The following ADCY3 variants were observed in gnomAD, a reference collection of about 807,000 sequenced individuals.
ADCY3 encodes the protein adenylate cyclase type 3.
ADCY3 carries 70 observed loss-of-function variants against 119.4 expected under a neutral mutation model. The observed-to-expected ratio is 0.59, with a 90% CI of 0.48 to 0.72. The LOEUF is 0.72. ADCY3 is among the 30% of genes least tolerant of loss of function. The pLI is 0.00. For synonymous variants in ADCY3, 672 were observed against 621.4 expected, an observed-to-expected ratio of 1.08 and a Z score of -1.21; for missense variants, 1,238 against 1,541.6, an observed-to-expected ratio of 0.80 and a Z score of 3.30.
Position 24,842,619 on chromosome 2 carries a change from C to G in ADCY3, c.826-235G>C. On this transcript the variant is annotated intron_variant, in intron 3 of 21. Transcript: ENST00000679454. The surrounding 1 kb of genome is among the most constrained non-coding windows in gnomAD (Gnocchi z 4.9). ...GCCCCTTCAGAGCAACTGAGGGGAG[C>G]CAGAAACGCAGTGAAGCATCCCAAC... 1 of 524,316 alleles carries G rather than the reference C, an allele frequency of 1.9e-6. No individual in the cohort carries two copies. Among genetic ancestry groups the G allele is most frequent in the Non-Finnish European group, 3.4e-6 (1 of 291,066 alleles). The allele number at this position is 524,316 out of a possible 1,614,324, so 32.5% of individuals were successfully genotyped here.
chr2:24,834,977 A>T lies in ADCY3; in HGVS notation c.1663-41T>A. On this transcript the variant is annotated intron_variant, in intron 9 of 21. Transcript: ENST00000679454. The surrounding 1 kb of genome is among the most constrained non-coding windows in gnomAD (Gnocchi z 4.2). Reference sequence around the variant, plus strand: ...GCAGCGTGAGTGGGGCAGATGGGACAGAGTGGTGGGGAAGAGCTGGGAAAG... The same window carrying T: ...GCAGCGTGAGTGGGGCAGATGGGACTGAGTGGTGGGGAAGAGCTGGGAAAG... The T allele has an allele frequency of 6.3e-7, 1 of 1,598,318 alleles. No homozygotes were observed. Among genetic ancestry groups the T allele is most frequent in the Non-Finnish European group, 8.5e-7 (1 of 1,171,368 alleles).
chr2:24,904,072 A>G (rs1679199723), intron 2 of ADCY3, among the ~76,000 whole-genome samples: 1 of 152,196 alleles, frequency 6.6e-6, no homozygotes, highest in Non-Finnish European at 1.5e-5. Context: ...AAGACGGAGC[A>G]TAAAGAGAAA....
In ADCY3 at chr2:24,918,454, G is replaced by A; in HGVS notation, c.534C>T (p.Ser178=). 1.2e-6 allele frequency: 2 copies of A among 1,614,098 alleles called. No homozygotes were observed. Among genetic ancestry groups the A allele is most frequent in the Admixed American group, 1.7e-5 (1 of 60,028 alleles). ...TVGWQVFFVF[S]FFITLPLSLS... ...GGCTGAGGGGCAGCGTGATGAAGAA[G>A]GAGAAGACAAAGAAGACCTGCCAGC... is the stretch of plus-strand genomic sequence containing the variant. The change falls in exon 2 of 22, where the codon TCC becomes TCT. Residue 178 remains serine, a synonymous_variant. Coordinates refer to ENST00000679454, the MANE Select transcript of ADCY3 (RefSeq NM_004036.5). The surrounding 1 kb of genome is among the most constrained non-coding windows in gnomAD (Gnocchi z 5.4).
In ADCY3 at chr2:24,878,329, T is replaced by TA. The variant is rs1675964334; in HGVS notation, c.676-5611dup. Among the ~76,000 whole-genome samples, 1 of 152,096 alleles carries TA rather than the reference T, an allele frequency of 6.6e-6. No homozygotes were observed. Reference sequence around the variant, plus strand: ...GCATCGCAAGATCCTTCACGTTTGCTAACAACCCGTAGGGAAATGGGGCTG... The same window carrying TA: ...GCATCGCAAGATCCTTCACGTTTGCTAAACAACCCGTAGGGAAATGGGGCTG... On this transcript the variant is annotated intron_variant, in intron 2 of 21. Transcript: ENST00000679454. This position sits in a 1 kb window ranked among gnomAD's most constrained non-coding sequence, Gnocchi z 4.0.
At chr2:24,822,848 G>A (rs990811311) in intron 18 of ADCY3, among the ~76,000 whole-genome samples, 1 of 152,036 alleles carries the variant, frequency 6.6e-6, no homozygotes, top group African/African-American at 2.4e-5. Flanking sequence ...ACATAAAATC[G>A]GCAGTCTCCT....
rs1414411486 is a variant in ADCY3 at position 24,899,610 on chromosome 2, G to A, written c.675+18703C>T. On this transcript the variant is annotated intron_variant, in intron 2 of 21. Transcript: ENST00000679454. This position sits in a 1 kb window ranked among gnomAD's most constrained non-coding sequence, Gnocchi z 4.5. ...CAAGGAGGCCACCAGTGTGGACCTC[G>A]AGTGGCACCACCCAGCTGATGGAGG... 2.0e-5 allele frequency among the ~76,000 whole-genome samples: 3 copies of A among 152,168 alleles called. No individual in the cohort carries two copies. The highest frequency in any genetic ancestry group is 4.8e-5 in the African/African-American group (2 of 41,434).
intron 3 of ADCY3, among the ~76,000 whole-genome samples, chr2:24,848,989 G>C (rs1175556464): frequency 1.3e-5 from 2 of 152,224 alleles, no homozygotes; most frequent in East Asian, 3.9e-4. Flanking sequence ...TCAGGGTGCT[G>C]CTTGGGTGAG....
intron 3 of ADCY3, among the ~76,000 whole-genome samples, chr2:24,863,252 TG>T (rs1673898312): frequency 6.6e-6 from 1 of 152,100 alleles, no homozygotes; most frequent in South Asian, 2.1e-4. Context: ...TAAATCTGGG[TG>T]GGCACAATCT....
intron 21 of ADCY3, 183 bp downstream of exon 21, chr2:24,820,541 G>T: frequency 1.4e-6 from 2 of 1,404,128 alleles, no homozygotes; most frequent in Non-Finnish European, 1.9e-6. Flanking sequence ...TGGATGGGTG[G>T]AAGTGTTTCT....
chr2:24,827,987 C>T lies in ADCY3; in HGVS notation c.2347G>A (p.Val783Ile), dbSNP rs779412964. 1.1e-5 allele frequency: 18 copies of T among 1,614,120 alleles called. No homozygotes were observed. In the African/African-American group the frequency reaches 1.6e-4, roughly 14 times the overall value. Residue 783 changes from valine to isoleucine, a missense_variant, in exon 14 of 22, where the codon GTC becomes ATC. By Grantham distance (29) the Val-to-Ile change is conservative. Around this residue, in one of 7 missense-constraint regions of ADCY3, gnomAD observed 499 missense variants for 571.0 expected, o/e 0.87. Transcript: ENST00000679454. ...HMVKLTLMLLVAGAVATINLY... is the reference protein window; with the variant it reads ...HMVKLTLMLLIAGAVATINLY... ...TTGATGGTGGCCACGGCGCCTGCGA[C>T]GAGCAGCATGAGCGTGAGCTTCACC...
intron 2 of ADCY3, among the ~76,000 whole-genome samples, chr2:24,884,309 A>C (rs1676750284): frequency 6.6e-6 from 1 of 151,976 alleles, no homozygotes; most frequent in African/African-American, 2.4e-5. Flanking sequence ...TCTTCTACAG[A>C]ATCACTGTTC....
intron 13 of ADCY3, among the ~76,000 whole-genome samples, chr2:24,829,752 T>C (rs955986284): frequency 2.0e-5 from 3 of 150,724 alleles, no homozygotes; most frequent in Admixed American, 6.6e-5. Flanking sequence ...AGTACAACAA[T>C]AACATTATAT....
At chr2:24,897,641 C>A (rs1678434236) in intron 2 of ADCY3, among the ~76,000 whole-genome samples, 1 of 152,204 alleles carries the variant, frequency 6.6e-6, no homozygotes, top group Non-Finnish European at 1.5e-5. Context: ...TCCACCTTCT[C>A]ATGGGTGATT....
At chr2:24,820,303 A>C (rs1254303125) in intron 21 of ADCY3, 189 bp from the exon 22 acceptor site, 1 of 1,302,850 alleles carries the variant, frequency 7.7e-7, no homozygotes, top group Non-Finnish European at 9.9e-7. Context: ...AGAACCCTGG[A>C]GTGACTGGCT....
chr2:24,838,793 C>A (rs965233128), intron 7 of ADCY3, 171 bp from the exon 8 acceptor site: 9 of 1,598,428 alleles, frequency 5.6e-6, no homozygotes, highest in Non-Finnish European at 6.0e-6. Context: ...CTGTGTGGGC[C>A]GCTAACTAGC....
intron 3 of ADCY3, among the ~76,000 whole-genome samples, chr2:24,849,763 G>A (rs950511277): frequency 6.6e-6 from 1 of 152,130 alleles, no homozygotes; most frequent in Admixed American, 6.5e-5. Context: ...GAGGAGGGGG[G>A]TCTGGGAGAC....
chr2:24,827,558 T>G lies in ADCY3; in HGVS notation c.2483A>C (p.Asn828Thr). The G allele has an allele frequency of 6.3e-7, 1 of 1,588,060 alleles. No homozygotes were observed. The highest frequency in any genetic ancestry group is 8.6e-7 in the Non-Finnish European group (1 of 1,164,198). The stretch of plus-strand genomic sequence containing the variant: ...CCGTGGCCCTTACCTGTCAGTGCCA[T>G]TGAGCCCAGGGTTGAATCCTTGCAT... ...EQMQGFNPGLNGTDRLPLVPS... is the reference protein window; with the variant it reads ...EQMQGFNPGLTGTDRLPLVPS... The change falls in exon 15 of 22, where the codon AAT (asparagine) becomes ACT (threonine). Residue 828 changes from asparagine (N) to threonine (T), a missense_variant. Around this residue, in one of 7 missense-constraint regions of ADCY3, gnomAD observed 499 missense variants for 571.0 expected, o/e 0.87. Coordinates refer to ENST00000679454, the MANE Select transcript of ADCY3 (RefSeq NM_004036.5).
intron 16 of ADCY3, among the ~76,000 whole-genome samples, chr2:24,825,334 C>CGGCGGGGGGGGGGG (rs1282144660): frequency 1.2e-5 from 1 of 81,574 alleles, no homozygotes; most frequent in Admixed American, 9.8e-5. Flanking sequence ...GTGGTTGTGG[C>CGGCGGGGGGGGGGG]GGGGGGGGGG....
In ADCY3 at chr2:24,834,161, A is replaced by G. The variant is rs939311779; in HGVS notation, c.1967+324T>C. Reference sequence around the variant, plus strand: ...TGACTGAGACTGACGCAGTGTCCCCATCTTTGTCCCAAGAATCAGTGTGGG... The same window carrying G: ...TGACTGAGACTGACGCAGTGTCCCCGTCTTTGTCCCAAGAATCAGTGTGGG... On this transcript the variant is annotated intron_variant, in intron 11 of 21. Coordinates refer to ENST00000679454, the MANE Select transcript of ADCY3 (RefSeq NM_004036.5). This position sits in a 1 kb window ranked among gnomAD's most constrained non-coding sequence, Gnocchi z 4.2. Among the ~76,000 whole-genome samples the G allele has an allele frequency of 5.3e-5, 8 of 152,192 alleles. No individual in the cohort carries two copies. Among genetic ancestry groups the G allele is most frequent in the Non-Finnish European group, 7.4e-5 (5 of 68,026 alleles).
Sources: allele counts gnomAD v4.1 joint callset (sites outside exome capture counted in the v4.1 genomes callset), GRCh38; gene constraint gnomAD v4.1.1; regional missense constraint gnomAD v4.1.1; non-coding constraint Gnocchi (gnomAD v3.1); transcripts MANE v1.5; gene names NCBI Gene and HGNC (gene_info 2026-07-23, HGNC 2026-07-21).